The following TACC2 variants were observed in gnomAD, a reference collection of about 807,000 sequenced individuals.
TACC2 encodes transforming acidic coiled-coil-containing protein 2.
In TACC2, 137 loss-of-function variants were observed where a neutral mutation model predicts 227.3. The observed-to-expected ratio is 0.60, with a 90% CI of 0.52 to 0.69. The LOEUF (loss-of-function observed/expected upper bound fraction) is 0.69. Among genes scored for constraint, TACC2 ranks in the 30% least tolerant of loss-of-function variants. The pLI, the probability that TACC2 is intolerant of heterozygous loss-of-function variation, is 0.00. For synonymous variants in TACC2, 1,523 were observed against 1,487.5 expected, an observed-to-expected ratio of 1.02 and a Z score of -0.55; for missense variants, 3,470 against 3,694.4, an observed-to-expected ratio of 0.94 and a Z score of 1.57.
chr10:122,063,157 A>C lies in TACC2; in HGVS notation c.146+12607A>C, dbSNP rs59353404. ...ATTTAGTTTTCCTATAAACAGGGTC[A>C]GTTCTTAGCAGAAAAAAGAAAAATC... On this transcript the variant is annotated intron_variant, in intron 3 of 22. Coordinates refer to ENST00000369005, the MANE Select transcript of TACC2 (RefSeq NM_206862.4). 9.4e-4 allele frequency among the ~76,000 whole-genome samples: 143 copies of C among 152,364 alleles called. No individual in the cohort carries two copies. In the East Asian group the frequency reaches 0.025, roughly 26 times the overall value.
At chr10:122,198,898 C>T (rs1048229142) in intron 8 of TACC2, among the ~76,000 whole-genome samples, 1 of 152,230 alleles carries the variant, frequency 6.6e-6, no homozygotes, top group African/African-American at 2.4e-5. Flanking sequence ...GCAGCCTAGG[C>T]CACGCCCCCG....
At chr10:122,164,074 A>C in intron 7 of TACC2, 1 of 1,491,652 alleles carries the variant, frequency 6.7e-7, no homozygotes, top group Non-Finnish European at 9.1e-7. Context: ...GCCTTTCCTA[A>C]TGCCTGTGCA....
Position 122,211,187 on chromosome 10 carries a change from G to A in TACC2, c.6762G>A (p.Glu2254=), listed in dbSNP as rs2095284816. 6.2e-7 allele frequency: 1 copy of A among 1,613,352 alleles called. No individual in the cohort carries two copies. The highest frequency in any genetic ancestry group is 1.3e-5 in the African/African-American group (1 of 74,904). Residue 2254 remains glutamate (E), a synonymous_variant, in exon 9 of 23, where the codon GAG becomes GAA. Coordinates refer to ENST00000369005, the MANE Select transcript of TACC2 (RefSeq NM_206862.4). ...EVTPSDSGGQ[E]DSPAKGLSVR... Reference sequence around the variant, plus strand: ...CCCCATCGGATAGCGGGGGGCAAGAGGACTCTCCAGCCAAAGGGCTCTCCG... The same window carrying A: ...CCCCATCGGATAGCGGGGGGCAAGAAGACTCTCCAGCCAAAGGGCTCTCCG...
intron 1 of TACC2, among the ~76,000 whole-genome samples, chr10:122,016,752 TTTC>T (rs1440408616): frequency 2.0e-5 from 3 of 152,130 alleles, no homozygotes; most frequent in Admixed American, 6.6e-5. Flanking sequence ...CGACTCCAAG[TTTC>T]TTCTTCTATA....
intron 2 of TACC2, among the ~76,000 whole-genome samples, chr10:122,037,649 T>G: frequency 6.6e-6 from 1 of 152,250 alleles, no homozygotes; most frequent in Non-Finnish European, 1.5e-5. Context: ...AGATGGTCTT[T>G]GAGCCTTTGC....
intron 16 of TACC2, among the ~76,000 whole-genome samples, chr10:122,236,895 C>T (rs536688744): frequency 6.6e-6 from 1 of 152,366 alleles, no homozygotes; most frequent in South Asian, 2.1e-4. Context: ...GCGTGACTCA[C>T]ATCCTTTCAA....
intron 18 of TACC2, 187 bp from the exon 19 acceptor site, chr10:122,241,767 CTTTG>C: frequency 1.6e-6 from 1 of 617,500 alleles, no homozygotes. Flanking sequence ...ATGTTGAAGG[CTTTG>C]CACAAGGGAG....
chr10:121,989,951 A>T (rs1271848856), intron 1 of TACC2, among the ~76,000 whole-genome samples: 3 of 151,962 alleles, frequency 2.0e-5, no homozygotes, highest in African/African-American at 7.3e-5. Context: ...TACCACCTCG[A>T]CACTTTCTTC....
At chr10:122,071,586 G>A (rs1429104557) in intron 3 of TACC2, among the ~76,000 whole-genome samples, 1 of 151,818 alleles carries the variant, frequency 6.6e-6, no homozygotes, top group Admixed American at 6.6e-5. Context: ...ATAGAAGCTC[G>A]TATGAGGCCA....
chr10:122,174,000 C>T (rs1012187338), intron 7 of TACC2, among the ~76,000 whole-genome samples: 12 of 152,298 alleles, frequency 7.9e-5, no homozygotes, highest in Middle Eastern at 3.4e-3. Context: ...CTGCGGCCAG[C>T]GGAGCTCTTC....
In TACC2 at chr10:122,084,629, T is replaced by A; in HGVS notation, c.2129T>A (p.Met710Lys). The change falls in exon 4 of 23, where the codon ATG becomes AAG. Residue 710 changes from methionine (M) to lysine (K), a missense_variant. Physicochemically the swap from Met to Lys is moderately conservative, Grantham distance 95. Coordinates refer to ENST00000369005, the MANE Select transcript of TACC2 (RefSeq NM_206862.4). ...CAGAGCAGGGAAGGATTGGGAAGAA[T>A]GGAGTCTTTCCTGACTTTAGAATCA... Reference protein sequence around the residue: ...TLQSREGLGRMESFLTLESEK... With the variant: ...TLQSREGLGRKESFLTLESEK... The A allele has an allele frequency of 6.2e-7, 1 of 1,613,748 alleles. No homozygotes were observed. The highest frequency in any genetic ancestry group is 8.5e-7 in the Non-Finnish European group (1 of 1,180,020).
intron 2 of TACC2, chr10:122,033,042 T>C: frequency 8.8e-7 from 1 of 1,137,028 alleles, no homozygotes; most frequent in Admixed American, 2.3e-5. Context: ...ATTGTCCATC[T>C]GGTCCTGTTC....
rs1454212181 is a variant in TACC2, at chr10:122,192,726, G to A, written c.5835-2314G>A. On this transcript the variant is annotated intron_variant, in intron 7 of 22. Transcript: ENST00000369005. ...GGTGGTCCCCAGTGGAATGGGCCCGGTGGATGTGGACAGCGGTGACCAGCA... is the reference window on the plus strand; with the variant it reads ...GGTGGTCCCCAGTGGAATGGGCCCGATGGATGTGGACAGCGGTGACCAGCA... 8.8e-6 allele frequency: 4 copies of A among 456,748 alleles called. No homozygotes were observed. In the Admixed American group the frequency reaches 9.4e-5, roughly 11 times the overall value. The allele number at this position is 456,748 out of a possible 1,614,324, so 28.3% of individuals were successfully genotyped here.
At chr10:122,217,437 C>CTTTTTTTTTTTTTTTTT (rs35233150) in intron 11 of TACC2, among the ~76,000 whole-genome samples, 79 of 93,224 alleles carry the variant, frequency 8.5e-4, no homozygotes, top group Middle Eastern at 7.9e-3. Flanking sequence ...TTTCTTTTTT[C>CTTTTTTTTTTTTTTTTT]TTTTTTTTTT....
intron 7 of TACC2, among the ~76,000 whole-genome samples, chr10:122,166,022 C>T (rs1362055703): frequency 6.6e-6 from 1 of 152,206 alleles, no homozygotes; most frequent in Non-Finnish European, 1.5e-5. Flanking sequence ...GCTAAAAATG[C>T]ATGCACGTGA....
intron 7 of TACC2, among the ~76,000 whole-genome samples, chr10:122,182,736 G>C (rs1357243547): frequency 6.6e-6 from 1 of 152,208 alleles, no homozygotes; most frequent in African/African-American, 2.4e-5. Context: ...GCAGCTTCCA[G>C]ATGTGCTTTT....
Position 122,210,100 on chromosome 10 carries a change from G to C in TACC2, c.5972-297G>C. 2.2e-6 allele frequency: 1 copy of C among 446,252 alleles called. No individual in the cohort carries two copies. The highest frequency in any genetic ancestry group is 2.5e-5 in the South Asian group (1 of 39,400). The allele number at this position is 446,252 out of a possible 1,614,324, so 27.6% of individuals were successfully genotyped here. A position where few individuals can be genotyped will look rare whatever the true frequency, so the allele number is the denominator to read the frequency against. ...TCTCTAGTACCTAGAACCATGTCTG[G>C]TCCTGATTAGGCACTTGGTGAATGT... On this transcript the variant is annotated intron_variant, in intron 8 of 22. Transcript: ENST00000369005. This position sits in a 1 kb window ranked among gnomAD's most constrained non-coding sequence, Gnocchi z 4.6.
chr10:122,033,268 T>C, intron 2 of TACC2: 2 of 581,660 alleles, frequency 3.4e-6, no homozygotes, highest in South Asian at 3.3e-5. Context: ...TTTCTCCTCC[T>C]CCCTCTTCCA....
At chr10:122,145,943 A>G (rs181862257) in intron 7 of TACC2, among the ~76,000 whole-genome samples, 3 of 152,340 alleles carry the variant, frequency 2.0e-5, no homozygotes, top group African/African-American at 7.2e-5. Context: ...CATCTGAGCC[A>G]TTCAGCAACA....
Sources: gnomAD v4.1 joint callset for allele counts (sites outside exome capture counted in the v4.1 genomes callset) on GRCh38, gnomAD v4.1.1 for gene constraint, Gnocchi (gnomAD v3.1) non-coding constraint, MANE v1.5 for transcripts, NCBI Gene and HGNC (gene_info 2026-07-23, HGNC 2026-07-21) for gene names.